Variants in SORCS1 observed in about 807,000 individuals in gnomAD.
The protein encoded by SORCS1 is VPS10 domain-containing receptor SorCS1.
A neutral mutation model predicts 146.1 loss-of-function variants in SORCS1; 60 were observed. That is an observed-to-expected ratio of 0.41 (90% CI 0.33 to 0.51). The LOEUF (loss-of-function observed/expected upper bound fraction) is 0.51, where lower values mean the gene tolerates loss of function less well. Among genes scored for constraint, SORCS1 ranks in the 20% least tolerant of loss-of-function variants. SORCS1 has a pLI of 0.21. For missense variants in SORCS1, 1,352 were observed against 1,487.6 expected, an observed-to-expected ratio of 0.91 and a Z score of 1.50; for synonymous variants, 637 against 584.0, an observed-to-expected ratio of 1.09 and a Z score of -1.31.
Position 107,124,625 on chromosome 10 carries a change from T to C in SORCS1, c.558+39344A>G, listed in dbSNP as rs1187951191. Among the ~76,000 whole-genome samples, 7 of 151,936 alleles carry C rather than the reference T, an allele frequency of 4.6e-5. No homozygotes were observed. The East Asian group carries it at 9.7e-4, about 21-fold the overall frequency. ...GTGGTCGACGTGATCTGAGCACTAG[T>C]GGGGCAGCACAAAAAAAGATAAAAG... On this transcript the variant is annotated intron_variant, in intron 1 of 25. Transcript: ENST00000263054.
chr10:107,028,881 C>T (rs2133916520), intron 1 of SORCS1, among the ~76,000 whole-genome samples: 1 of 152,288 alleles, frequency 6.6e-6, no homozygotes, highest in East Asian at 1.9e-4. Flanking sequence ...CCCTGCAAGC[C>T]ACTTAATCTC....
At chr10:107,083,750 C>A (rs945604598) in intron 1 of SORCS1, among the ~76,000 whole-genome samples, 1 of 152,118 alleles carries the variant, frequency 6.6e-6, no homozygotes, top group Non-Finnish European at 1.5e-5. Flanking sequence ...GGAAAGAGGG[C>A]AGGAGGATGA....
At chr10:107,085,775 C>G (rs1040791910) in intron 1 of SORCS1, among the ~76,000 whole-genome samples, 5 of 152,152 alleles carry the variant, frequency 3.3e-5, no homozygotes, top group Non-Finnish European at 7.4e-5. Flanking sequence ...TATGAAGAAT[C>G]CTTTTCAACA....
chr10:107,064,937 A>G (rs975831065), intron 1 of SORCS1, among the ~76,000 whole-genome samples: 1 of 152,156 alleles, frequency 6.6e-6, no homozygotes, highest in African/African-American at 2.4e-5. Context: ...CACCATCTAA[A>G]TAGTGGCAAA....
At chr10:107,046,730 T>C (rs944756156) in intron 1 of SORCS1, among the ~76,000 whole-genome samples, 1 of 152,202 alleles carries the variant, frequency 6.6e-6, no homozygotes, top group Non-Finnish European at 1.5e-5. Flanking sequence ...TTTGGCTTTC[T>C]AAATTTCTGT....
intron 20 of SORCS1, 53 bp downstream of exon 20, chr10:106,620,375 G>A: frequency 1.3e-6 from 2 of 1,573,676 alleles, no homozygotes; most frequent in Non-Finnish European, 1.7e-6. Flanking sequence ...CTTTGCTTCA[G>A]GCAGCGTGAA....
At chr10:107,175,994 ATTC>A in the SORCS1 span, among the ~76,000 whole-genome samples, 1 of 152,086 alleles carries the variant, frequency 6.6e-6, no homozygotes, top group African/African-American at 2.4e-5. Context: ...AATTTGAGTT[ATTC>A]TTTTGTATAT....
intron 3 of SORCS1, among the ~76,000 whole-genome samples, chr10:106,811,207 G>T (rs1327991385): frequency 6.6e-6 from 1 of 152,114 alleles, no homozygotes; most frequent in Non-Finnish European, 1.5e-5. Flanking sequence ...AAAGTGCTGG[G>T]ATTACAGGCA....
intron 2 of SORCS1, among the ~76,000 whole-genome samples, chr10:106,872,732 T>C (rs1163726555): frequency 1.3e-5 from 2 of 152,112 alleles, no homozygotes; most frequent in African/African-American, 4.8e-5. Flanking sequence ...ACAGGAGATA[T>C]AATCTGAGGT....
chr10:106,943,988 C>T (rs563480622), intron 2 of SORCS1, among the ~76,000 whole-genome samples: 2 of 152,280 alleles, frequency 1.3e-5, no homozygotes, highest in East Asian at 3.9e-4. Flanking sequence ...CACCCAACAA[C>T]TGGTCCTGTG....
At chr10:106,688,883 C>T (rs907283981) in intron 9 of SORCS1, among the ~76,000 whole-genome samples, 6 of 152,204 alleles carry the variant, frequency 3.9e-5, no homozygotes, top group African/African-American at 1.4e-4. Flanking sequence ...TGCGGCTTCA[C>T]AGCTCATGCT....
chr10:106,594,013 G>A (rs1845763153), intron 24 of SORCS1, among the ~76,000 whole-genome samples: 1 of 152,192 alleles, frequency 6.6e-6, no homozygotes, highest in South Asian at 2.1e-4. Flanking sequence ...GTCATCTGGA[G>A]TTTTTACCAG....
At chr10:106,916,363 A>T (rs940454203) in intron 2 of SORCS1, among the ~76,000 whole-genome samples, 1 of 151,596 alleles carries the variant, frequency 6.6e-6, no homozygotes, top group African/African-American at 2.4e-5. Context: ...TTTTTCCATT[A>T]TACTATTGGC....
At chr10:106,937,972 G>GAAAAAAAAAAAAAAAAAAAAAAAAA (rs76116094) in intron 2 of SORCS1, among the ~76,000 whole-genome samples, 1 of 129,174 alleles carries the variant, frequency 7.7e-6, no homozygotes, top group African/African-American at 3.0e-5. Flanking sequence ...TCAAAAAGAA[G>GAAAAAAAAAAAAAAAAAAAAAAAAA]AAAAAAAAAA....
chr10:106,600,496 G>A (rs1846174720), intron 23 of SORCS1: 1 of 983,910 alleles, frequency 1.0e-6, no homozygotes, highest in Non-Finnish European at 1.2e-6. Context: ...AAATGAGTAT[G>A]AAACTGTTGA....
At chr10:106,988,659 T>C (rs1271483271) in intron 1 of SORCS1, among the ~76,000 whole-genome samples, 1 of 152,158 alleles carries the variant, frequency 6.6e-6, no homozygotes, top group Non-Finnish European at 1.5e-5. Context: ...GCCTGGGAAT[T>C]GGCAGAGTAG....
At chr10:106,861,394 C>T (rs1217773494) in intron 2 of SORCS1, among the ~76,000 whole-genome samples, 3 of 122,780 alleles carry the variant, frequency 2.4e-5, no homozygotes, top group South Asian at 2.8e-4. Context: ...AGTGAGACTC[C>T]GCCTTAAAAA....
chr10:106,888,406 A>C (rs1489283115), intron 2 of SORCS1, among the ~76,000 whole-genome samples: 1 of 152,168 alleles, frequency 6.6e-6, no homozygotes, highest in East Asian at 1.9e-4. Flanking sequence ...AAAGAAGAAA[A>C]TATCAAGACT....
chr10:106,774,496 A>C (rs538497522), intron 4 of SORCS1, among the ~76,000 whole-genome samples: 80 of 152,144 alleles, frequency 5.3e-4, no homozygotes, highest in African/African-American at 1.9e-3. Flanking sequence ...AGTTTCAGCC[A>C]AATAGAAAAA....
Sources: allele counts gnomAD v4.1 joint callset (sites outside exome capture counted in the v4.1 genomes callset), GRCh38; gene constraint gnomAD v4.1.1; transcripts MANE v1.5; gene names NCBI Gene and HGNC (gene_info 2026-07-23, HGNC 2026-07-21).